The following GULP1 variants were observed in gnomAD, a reference collection of about 807,000 sequenced individuals.
GULP1 encodes the protein GULP PTB domain containing engulfment adaptor 1.
GULP1 carries 19 observed loss-of-function variants against 40.9 expected under a neutral mutation model. The observed-to-expected ratio is 0.46, with a 90% CI of 0.32 to 0.68. GULP1 has a LOEUF of 0.68. Among genes scored for constraint, GULP1 ranks in the 30% least tolerant of loss-of-function variants. GULP1 has a pLI of 0.03. For synonymous variants in GULP1, 119 were observed against 117.6 expected, an observed-to-expected ratio of 1.01 and a Z score of -0.08; for missense variants, 312 against 362.2, an observed-to-expected ratio of 0.86 and a Z score of 1.12.
At chr2:188,374,551 G>A (rs2048044923) in intron 1 of GULP1, among the ~76,000 whole-genome samples, 1 of 152,140 alleles carries the variant, frequency 6.6e-6, no homozygotes. Context: ...CAGGTTTTCA[G>A]TCCTCCAGTT....
intron 9 of GULP1, among the ~76,000 whole-genome samples, chr2:188,583,693 T>A (rs560198140): frequency 6.6e-6 from 1 of 152,306 alleles, no homozygotes; most frequent in South Asian, 2.1e-4. Context: ...GAAAACTTGA[T>A]GAAATCTTTC....
chr2:188,539,096 C>T (rs1036962132), intron 6 of GULP1, among the ~76,000 whole-genome samples: 1 of 151,776 alleles, frequency 6.6e-6, no homozygotes, highest in East Asian at 1.9e-4. Flanking sequence ...CTTTCCCTTT[C>T]TGCTTTTCTC....
chr2:188,459,076 C>T (rs1172506282), intron 2 of GULP1, among the ~76,000 whole-genome samples: 2 of 152,210 alleles, frequency 1.3e-5, no homozygotes, highest in East Asian at 3.9e-4. Flanking sequence ...TGCCACATTT[C>T]TTTTTGTCCA....
chr2:188,466,988 T>G (rs1227245188), intron 2 of GULP1, among the ~76,000 whole-genome samples: 1 of 151,938 alleles, frequency 6.6e-6, no homozygotes, highest in Non-Finnish European at 1.5e-5. Context: ...AAAAAAAAAG[T>G]AGCAGCTGTC....
chr2:188,404,877 C>A (rs552312527), intron 2 of GULP1, among the ~76,000 whole-genome samples: 5 of 152,156 alleles, frequency 3.3e-5, no homozygotes, highest in Admixed American at 2.0e-4. Context: ...GCCACCCTGG[C>A]ATCAGATCAG....
In GULP1 at chr2:188,483,483, TA is replaced by T; in HGVS notation, c.83del (p.Asn28MetfsTer19). On this transcript the variant is annotated frameshift_variant, in exon 4 of 12. Transcript: ENST00000409830. LOFTEE classifies it high-confidence loss of function. Reference sequence around the variant, plus strand: ...CTTTATCAAAACATTTCATTCCCTATAATGCAAAGGTAAAAATAGTTCATTT... The same window carrying T: ...CTTTATCAAAACATTTCATTCCCTATATGCAAAGGTAAAAATAGTTCATTT... ...EALSKHFIPY[N>X]AKFLGSTEVE... 7.0e-7 allele frequency: 1 copy of T among 1,420,714 alleles called. No homozygotes were observed. Among genetic ancestry groups the T allele is most frequent in the Non-Finnish European group, 9.9e-7 (1 of 1,014,712 alleles). 88.0% of individuals were successfully genotyped at this position (1,420,714 alleles called of 1,614,324 possible).
chr2:188,448,295 GTAT>G (rs1227853102), intron 2 of GULP1, among the ~76,000 whole-genome samples: 7 of 152,082 alleles, frequency 4.6e-5, no homozygotes, highest in African/African-American at 1.7e-4. Flanking sequence ...ATCAGGATCT[GTAT>G]TATTTCTTTT....
chr2:188,342,026 A>G (rs1239894931), intron 1 of GULP1, among the ~76,000 whole-genome samples: 2 of 152,190 alleles, frequency 1.3e-5, no homozygotes, highest in Non-Finnish European at 2.9e-5. Context: ...TTGAGATTTT[A>G]TTATAACAGT....
At position 188,529,092 on chromosome 2, in the gene GULP1, C is replaced by T. The variant is rs577779164; in HGVS notation, c.163-5C>T. 37 of 1,318,938 alleles carry T rather than the reference C, an allele frequency of 2.8e-5. No individual in the cohort carries two copies. In the East Asian group the frequency reaches 3.0e-4, roughly 11 times the overall value. The allele number at this position is 1,318,938 out of a possible 1,614,324, so 81.7% of individuals were successfully genotyped here. A position where few individuals can be genotyped will look rare whatever the true frequency, so the allele number is the denominator to read the frequency against. On this transcript the variant is annotated splice_region_variant and splice_polypyrimidine_tract_variant and intron_variant, in intron 5 of 11. Transcript: ENST00000409830. ...GTAGCTTTGTGAATAATTTTTCATT[C>T]GTAGTTTGCAAGACATATCAAGAAA... is the stretch of plus-strand genomic sequence containing the variant.
intron 1 of GULP1, among the ~76,000 whole-genome samples, chr2:188,312,550 A>G (rs1048433152): frequency 5.9e-5 from 9 of 152,134 alleles, no homozygotes; most frequent in Non-Finnish European, 1.0e-4. Flanking sequence ...TCTATCATTG[A>G]TGGGCATTTG....
chr2:188,587,550 GT>G (rs1398518637), intron 10 of GULP1, among the ~76,000 whole-genome samples: 2 of 152,034 alleles, frequency 1.3e-5, no homozygotes, highest in African/African-American at 4.8e-5. Flanking sequence ...AAATATAGGT[GT>G]TGTAACATAC....
At chr2:188,537,521 C>T (rs1689257105) in intron 6 of GULP1, among the ~76,000 whole-genome samples, 1 of 151,914 alleles carries the variant, frequency 6.6e-6, no homozygotes, top group African/African-American at 2.4e-5. Flanking sequence ...ACCTTGCATC[C>T]CAGGAATGAA....
At chr2:188,338,140 G>T (rs2042508583) in intron 1 of GULP1, among the ~76,000 whole-genome samples, 1 of 151,950 alleles carries the variant, frequency 6.6e-6, no homozygotes, top group Admixed American at 6.6e-5. Context: ...CTAGATTTAA[G>T]ATCTTACTAG....
At chr2:188,352,999 A>G (rs938150612) in intron 1 of GULP1, among the ~76,000 whole-genome samples, 9 of 152,290 alleles carry the variant, frequency 5.9e-5, no homozygotes, top group Admixed American at 1.3e-4. Context: ...TTGATCGGTA[A>G]GGTTTTGGCA....
At chr2:188,549,307 A>C (rs1195313000) in intron 7 of GULP1, among the ~76,000 whole-genome samples, 4 of 151,902 alleles carry the variant, frequency 2.6e-5, no homozygotes, top group Non-Finnish European at 5.9e-5. Context: ...ACTCAACAAT[A>C]TGAAAACAAT....
At chr2:188,380,896 G>A (rs1461737556) in intron 1 of GULP1, among the ~76,000 whole-genome samples, 1 of 152,022 alleles carries the variant, frequency 6.6e-6, no homozygotes, top group Non-Finnish European at 1.5e-5. Flanking sequence ...CATTAATAAT[G>A]TTTTTCTTAA....
At position 188,587,879 on chromosome 2, in the gene GULP1, C is replaced by T. The variant is rs1294313101; in HGVS notation, c.773C>T (p.Pro258Leu). Residue 258 changes from proline (P) to leucine (L), a missense_variant, in exon 11 of 12, where the codon CCT (proline) becomes CTT (leucine). Coordinates refer to ENST00000409830, the MANE Select transcript of GULP1 (RefSeq NM_016315.4). ...EIKRDLFGAE[P>L]FDPFNCGAAD... ...GAACGGGACCTGTTTGGAGCAGAAC[C>T]TTTTGACCCATTTAACTGTGGAGCA... 7 of 1,609,184 alleles carry T rather than the reference C, an allele frequency of 4.4e-6. No homozygotes were observed. The African/African-American group carries it at 8.0e-5, about 18-fold the overall frequency.
intron 2 of GULP1, among the ~76,000 whole-genome samples, chr2:188,388,299 C>T (rs1005369249): frequency 2.0e-5 from 3 of 148,026 alleles, no homozygotes; most frequent in African/African-American, 7.5e-5. Context: ...GAGACTGAGG[C>T]AGGTGGATCG....
At chr2:188,512,252 A>G (rs2064656250) in intron 4 of GULP1, among the ~76,000 whole-genome samples, 1 of 152,134 alleles carries the variant, frequency 6.6e-6, no homozygotes, top group African/African-American at 2.4e-5. Flanking sequence ...GGTTACAAAG[A>G]TATATACGCA....
Sources: allele counts gnomAD v4.1 joint callset (sites outside exome capture counted in the v4.1 genomes callset), GRCh38; gene constraint gnomAD v4.1.1; transcripts MANE v1.5; gene names NCBI Gene and HGNC (gene_info 2026-07-23, HGNC 2026-07-21).